LRIG1: variants seen among roughly 807,000 people sequenced by gnomAD.
LRIG1 encodes the protein leucine rich repeats and immunoglobulin like domains 1, also known as leucine-rich repeats and immunoglobulin-like domains protein 1.
In LRIG1, 48 loss-of-function variants were observed where a neutral mutation model predicts 99.2. The observed-to-expected ratio is 0.48, with a 90% CI of 0.38 to 0.62. The LOEUF is 0.62. Among genes scored for constraint, LRIG1 ranks in the 20% least tolerant of loss-of-function variants. LRIG1 has a pLI of 0.00. For missense variants in LRIG1, 1,646 were observed against 1,434.4 expected, an observed-to-expected ratio of 1.15 and a Z score of -2.38; for synonymous variants, 772 against 596.1, an observed-to-expected ratio of 1.29 and a Z score of -4.30.
chr3:66,389,049 G>A lies in LRIG1; in HGVS notation c.1469-2748C>T, dbSNP rs117581924. Among the ~76,000 whole-genome samples, 499 of 152,170 alleles carry A rather than the reference G, an allele frequency of 3.3e-3. 2 individuals are homozygous for A. The highest frequency in any genetic ancestry group is 0.021 in the East Asian group (108 of 5,176). The stretch of plus-strand genomic sequence containing the variant: ...CAGTAATTATAAGGCTGTGTTGATG[G>A]GCTTAATGAAAATGTAATGTGTACG... On this transcript the variant is annotated intron_variant, in intron 12 of 18. Coordinates refer to ENST00000273261, the MANE Select transcript of LRIG1 (RefSeq NM_015541.3).
chr3:66,390,205 A>C (rs932591469), intron 12 of LRIG1, among the ~76,000 whole-genome samples: 7 of 152,152 alleles, frequency 4.6e-5, no homozygotes, highest in Admixed American at 2.6e-4. Context: ...CATGATGATC[A>C]CATATAAAGA....
At chr3:66,415,709 G>T (rs1702598415) in intron 4 of LRIG1, among the ~76,000 whole-genome samples, 1 of 152,182 alleles carries the variant, frequency 6.6e-6, no homozygotes, top group African/African-American at 2.4e-5. Flanking sequence ...ATACAAAAAG[G>T]CAGACACCGC....
chr3:66,437,118 A>G (rs10049330), intron 3 of LRIG1, among the ~76,000 whole-genome samples: 24,993 of 152,210 alleles, frequency 0.16, 3,656 homozygotes, highest in African/African-American at 0.39. Context: ...CCGTCTCTGC[A>G]GTGGGGAACG....
intron 3 of LRIG1, among the ~76,000 whole-genome samples, chr3:66,422,280 T>C (rs765081140): frequency 6.6e-6 from 1 of 152,226 alleles, no homozygotes; most frequent in Non-Finnish European, 1.5e-5. Flanking sequence ...TTCTTTTCTA[T>C]TGCATTGTCA....
In LRIG1 at chr3:66,386,285, T is replaced by A; in HGVS notation, c.1485A>T (p.Pro495=). ...ESFVCDDFLK[P]QIITQPETTM... ...TGGTTTCTGGCTGGGTGATGATCTGTGGCTTCAGGAAGTCATCTGGGGAGA... is the reference window on the plus strand; with the variant it reads ...TGGTTTCTGGCTGGGTGATGATCTGAGGCTTCAGGAAGTCATCTGGGGAGA... Residue 495 remains proline (P), a synonymous_variant, in exon 13 of 19, where the codon CCA becomes CCT. Coordinates refer to ENST00000273261, the MANE Select transcript of LRIG1 (RefSeq NM_015541.3). 1 of 1,613,934 alleles carries A rather than the reference T, an allele frequency of 6.2e-7. No homozygotes were observed. The highest frequency in any genetic ancestry group is 8.5e-7 in the Non-Finnish European group (1 of 1,179,920).
intron 2 of LRIG1, among the ~76,000 whole-genome samples, chr3:66,452,269 G>C (rs993258346): frequency 1.3e-5 from 2 of 152,194 alleles, no homozygotes; most frequent in African/African-American, 4.8e-5. Flanking sequence ...CCACAGACGA[G>C]AGTTGCTCTC....
At chr3:66,427,051 A>T (rs548125392) in intron 3 of LRIG1, among the ~76,000 whole-genome samples, 1 of 152,216 alleles carries the variant, frequency 6.6e-6, no homozygotes, top group Non-Finnish European at 1.5e-5. Context: ...TAAGTTTCAC[A>T]TAATCTAGCC....
rs980519142 is a variant in LRIG1, at chr3:66,448,787, A to G, written c.365+2772T>C. Among the ~76,000 whole-genome samples, 3 of 152,178 alleles carry G rather than the reference A, an allele frequency of 2.0e-5. No homozygotes were observed. The South Asian group carries it at 6.2e-4, about 31-fold the overall frequency. The stretch of plus-strand genomic sequence containing the variant: ...TTTTTTTCTGATCCTCTGTCTGCCC[A>G]CAAAAACGGAATAAGAATTTGAGGA... On this transcript the variant is annotated intron_variant, in intron 3 of 18. Coordinates refer to ENST00000273261, the MANE Select transcript of LRIG1 (RefSeq NM_015541.3).
intron 1 of LRIG1, among the ~76,000 whole-genome samples, chr3:66,476,761 C>T (rs958537326): frequency 1.3e-5 from 2 of 152,234 alleles, no homozygotes; most frequent in Non-Finnish European, 2.9e-5. Context: ...TTCTATAATT[C>T]ACTAAACCTA....
chr3:66,406,487 A>C, intron 8 of LRIG1: 4 of 922,790 alleles, frequency 4.3e-6, no homozygotes, highest in Non-Finnish European at 5.2e-6. Flanking sequence ...CAATGGCTCC[A>C]CATTAAAGCC....
At chr3:66,474,853 A>G (rs1472559063) in intron 1 of LRIG1, among the ~76,000 whole-genome samples, 1 of 152,240 alleles carries the variant, frequency 6.6e-6, no homozygotes, top group Admixed American at 6.5e-5. Context: ...TCTTTCTTTT[A>G]AAGCCAATCA....
rs189899496 is a variant in LRIG1 at position 66,379,942 on chromosome 3, G to A, written c.*321C>T. On this transcript the variant is annotated 3_prime_UTR_variant, in exon 19 of 19. Transcript: ENST00000273261. ...CCAAAATTAAACAGCAACCTGATAC[G>A]AAAAATAATATTGTCAAAATTGTAT... 7 of 177,064 alleles carry A rather than the reference G, an allele frequency of 4.0e-5. No homozygotes were observed. The highest frequency in any genetic ancestry group is 2.9e-4 in the East Asian group (2 of 6,822). 11.0% of individuals were successfully genotyped at this position (177,064 alleles called of 1,614,324 possible).
chr3:66,499,313 GAAAC>G (rs1701300170), intron 1 of LRIG1, among the ~76,000 whole-genome samples: 1 of 152,166 alleles, frequency 6.6e-6, no homozygotes, highest in African/African-American at 2.4e-5. Flanking sequence ...TCTTTCGGGT[GAAAC>G]AAACAGCTTA....
chr3:66,483,444 G>T (rs531285558), intron 1 of LRIG1, among the ~76,000 whole-genome samples: 1 of 152,352 alleles, frequency 6.6e-6, no homozygotes, highest in Non-Finnish European at 1.5e-5. Context: ...CTTGGGCTGG[G>T]TCCACAGAGG....
chr3:66,428,815 T>A (rs577555485), intron 3 of LRIG1, among the ~76,000 whole-genome samples: 7 of 152,358 alleles, frequency 4.6e-5, no homozygotes, highest in African/African-American at 1.7e-4. Flanking sequence ...CCAGCCTGGG[T>A]TATTTGCTGG....
intron 3 of LRIG1, among the ~76,000 whole-genome samples, chr3:66,425,183 T>C (rs1215454574): frequency 6.6e-6 from 1 of 152,216 alleles, no homozygotes; most frequent in Non-Finnish European, 1.5e-5. Flanking sequence ...TGACCCTATC[T>C]AGCCCGTCCG....
At chr3:66,423,495 TG>T (rs1344958227) in intron 3 of LRIG1, among the ~76,000 whole-genome samples, 1 of 152,170 alleles carries the variant, frequency 6.6e-6, no homozygotes, top group Non-Finnish European at 1.5e-5. Context: ...TGCTTGAACC[TG>T]GGAGGCAGAG....
intron 3 of LRIG1, among the ~76,000 whole-genome samples, chr3:66,422,237 G>A (rs1430882785): frequency 2.0e-5 from 3 of 152,226 alleles, no homozygotes; most frequent in East Asian, 1.9e-4. Flanking sequence ...AATTCCTGCA[G>A]CCAGCTTGAA....
intron 9 of LRIG1, among the ~76,000 whole-genome samples, chr3:66,403,109 C>A (rs7613812): frequency 0.045 from 6,878 of 152,160 alleles, 514 homozygotes; most frequent in African/African-American, 0.16. Context: ...ACCCCAAGTG[C>A]CCGTGACACA....
Sources: gnomAD v4.1 joint callset for allele counts (sites outside exome capture counted in the v4.1 genomes callset) on GRCh38, gnomAD v4.1.1 for gene constraint, MANE v1.5 for transcripts, NCBI Gene and HGNC (gene_info 2026-07-23, HGNC 2026-07-21) for gene names.